CPQ: variants seen among roughly 807,000 people sequenced by gnomAD.
CPQ encodes Ser-Met dipeptidase.
A neutral mutation model predicts 45.7 loss-of-function variants in CPQ; 37 were observed. The ratio of observed to expected loss-of-function variants is 0.81; its 90% confidence interval spans 0.62 to 1.07. The LOEUF (loss-of-function observed/expected upper bound fraction) is 1.07. CPQ is among the 50% of genes least tolerant of loss of function. The probability of loss-of-function intolerance (pLI) is 0.00; values close to 1 mark genes in which losing one functional copy is unlikely to be tolerated. For synonymous variants in CPQ, 186 were observed against 205.8 expected, an observed-to-expected ratio of 0.90 and a Z score of 0.82; for missense variants, 537 against 572.9, an observed-to-expected ratio of 0.94 and a Z score of 0.64.
At position 97,122,927 on chromosome 8, in the gene CPQ, TAAATAAAATAAAATA is replaced by T. The variant is rs1313373275; in HGVS notation, c.1256-20053_1256-20039del. Among the ~76,000 whole-genome samples the T allele has an allele frequency of 4.8e-3, 188 of 38,830 alleles. 11 individuals carry two copies. The highest frequency in any genetic ancestry group is 0.024 in the African/African-American group (132 of 5,526). 25.5% of individuals were successfully genotyped at this position (38,830 alleles called of 152,430 possible). A position where few individuals can be genotyped will look rare whatever the true frequency, so the allele number is the denominator to read the frequency against. ...TAAAATAAAATAAAATAAAATAAAA[TAAATAAAATAAAATA>T]AAATAAAATAAAATAAAATAAAATA... On this transcript the variant is annotated intron_variant, in intron 7 of 7. Transcript: ENST00000220763.
intron 1 of CPQ, among the ~76,000 whole-genome samples, chr8:96,665,091 A>G (rs563368057): frequency 1.3e-5 from 2 of 152,356 alleles, no homozygotes; most frequent in Admixed American, 6.5e-5. Context: ...AGGACATTCA[A>G]CATGACCTGT....
At chr8:97,093,123 G>A (rs770896216) in intron 7 of CPQ, among the ~76,000 whole-genome samples, 22 of 152,036 alleles carry the variant, frequency 1.4e-4, no homozygotes, top group Admixed American at 3.9e-4. Flanking sequence ...ATGAGATACC[G>A]TCTCACACCA....
chr8:97,062,822 G>A (rs1467835450), intron 6 of CPQ, among the ~76,000 whole-genome samples: 2 of 152,170 alleles, frequency 1.3e-5, no homozygotes, highest in Admixed American at 6.6e-5. Flanking sequence ...TTTTGTGGTT[G>A]CATAGTATTT....
chr8:96,725,359 C>G (rs1352627299), intron 1 of CPQ, among the ~76,000 whole-genome samples: 3 of 152,154 alleles, frequency 2.0e-5, no homozygotes, highest in Admixed American at 6.5e-5. Context: ...TATCCAGACT[C>G]TATAAGGAAC....
chr8:96,840,416 G>A lies in CPQ; in HGVS notation c.641+5236G>A, dbSNP rs140943046. Among the ~76,000 whole-genome samples the A allele has an allele frequency of 2.0e-3, 309 of 152,248 alleles. 3 individuals carry two copies. Among genetic ancestry groups the A allele is most frequent in the African/African-American group, 7.1e-3 (295 of 41,524 alleles). On this transcript the variant is annotated intron_variant, in intron 3 of 7. Transcript: ENST00000220763. ...ATATGGGGTGAATTTTACAGCAGTG[G>A]TTCTTGAAGTGTGGTCCCTGGAATA... is the stretch of plus-strand genomic sequence containing the variant.
At chr8:96,705,907 G>A (rs983585588) in intron 1 of CPQ, among the ~76,000 whole-genome samples, 3 of 152,102 alleles carry the variant, frequency 2.0e-5, no homozygotes, top group African/African-American at 7.2e-5. Context: ...CTTTGATAAT[G>A]AAGTGTGTAT....
At chr8:96,977,587 C>A (rs1813811086) in intron 5 of CPQ, among the ~76,000 whole-genome samples, 1 of 151,992 alleles carries the variant, frequency 6.6e-6, no homozygotes, top group Admixed American at 6.6e-5. Flanking sequence ...TGGAAGCAGC[C>A]CAAATGACCA....
chr8:97,134,022 G>C (rs1812005257), intron 7 of CPQ, among the ~76,000 whole-genome samples: 1 of 152,180 alleles, frequency 6.6e-6, no homozygotes, highest in African/African-American at 2.4e-5. Context: ...TTGGTAAGGA[G>C]AACTGACTTG....
chr8:96,758,907 G>T (rs146937906), intron 1 of CPQ, among the ~76,000 whole-genome samples: 6 of 151,978 alleles, frequency 3.9e-5, no homozygotes, highest in Non-Finnish European at 8.8e-5. Context: ...TTATATCTCC[G>T]TATAATACAT....
chr8:96,880,576 T>TATATATAC lies in CPQ; in HGVS notation c.849+572_849+573insTATATACA, dbSNP rs1359946797. 1.4e-4 allele frequency among the ~76,000 whole-genome samples: 12 copies of TATATATAC among 83,188 alleles called. 2 individuals carry two copies. Among genetic ancestry groups the TATATATAC allele is most frequent in the Admixed American group, 2.8e-4 (2 of 7,266 alleles). 54.6% of individuals were successfully genotyped at this position (83,188 alleles called of 152,430 possible). On this transcript the variant is annotated intron_variant, in intron 4 of 7. Transcript: ENST00000220763. ...ATATATATATATATATATATATATA[T>TATATATAC]ACCATGGAATACTACCCAGCCATAG...
intron 3 of CPQ, among the ~76,000 whole-genome samples, chr8:96,840,880 A>G (rs1007826693): frequency 6.6e-6 from 1 of 152,220 alleles, no homozygotes; most frequent in Middle Eastern, 3.2e-3. Flanking sequence ...GTTTCAAATA[A>G]CAATAAGGAT....
At chr8:96,654,468 G>T (rs1480863362) in intron 1 of CPQ, among the ~76,000 whole-genome samples, 1 of 152,060 alleles carries the variant, frequency 6.6e-6, no homozygotes, top group Non-Finnish European at 1.5e-5. Flanking sequence ...CTCTATCGGG[G>T]TTCTCTAACA....
intron 3 of CPQ, 82 bp downstream of exon 3, chr8:96,835,262 C>A: frequency 9.1e-7 from 1 of 1,099,704 alleles, no homozygotes; most frequent in Non-Finnish European, 1.2e-6. Context: ...TAAAAACAAA[C>A]CATTCAAATG....
chr8:96,952,607 A>G (rs1250368538), intron 4 of CPQ, among the ~76,000 whole-genome samples: 1 of 152,116 alleles, frequency 6.6e-6, no homozygotes, highest in Non-Finnish European at 1.5e-5. Context: ...AAATGGCATG[A>G]TGAGACTATT....
intron 6 of CPQ, among the ~76,000 whole-genome samples, chr8:97,047,233 G>T (rs1408901472): frequency 2.6e-5 from 4 of 152,308 alleles, no homozygotes; most frequent in Admixed American, 6.5e-5. Context: ...GCTCAAAGAA[G>T]TGAAGAATGT....
intron 6 of CPQ, among the ~76,000 whole-genome samples, chr8:97,054,977 G>A (rs1456249239): frequency 6.6e-6 from 1 of 152,130 alleles, no homozygotes; most frequent in Non-Finnish European, 1.5e-5. Context: ...GATAGCCATA[G>A]GCATGGAGTT....
At chr8:96,906,615 G>T (rs1392181470) in intron 4 of CPQ, among the ~76,000 whole-genome samples, 5 of 152,148 alleles carry the variant, frequency 3.3e-5, no homozygotes, top group African/African-American at 9.7e-5. Context: ...TGGCTGGGAG[G>T]CCCAAGACCA....
chr8:96,975,771 A>C (rs974090240), intron 5 of CPQ, among the ~76,000 whole-genome samples: 7 of 152,170 alleles, frequency 4.6e-5, no homozygotes, highest in African/African-American at 1.7e-4. Flanking sequence ...GATGCAGAAG[A>C]AGCATTTGAC....
At chr8:96,852,343 A>C (rs1560355) in intron 3 of CPQ, among the ~76,000 whole-genome samples, 83,272 of 151,958 alleles carry the variant, frequency 0.55, 23,247 homozygotes, top group African/African-American at 0.65. Context: ...CACACACACA[A>C]AAAAAAAGAC....
Sources: gnomAD v4.1 joint callset for allele counts (sites outside exome capture counted in the v4.1 genomes callset) on GRCh38, gnomAD v4.1.1 for gene constraint, MANE v1.5 for transcripts, NCBI Gene and HGNC (gene_info 2026-07-23, HGNC 2026-07-21) for gene names.